PPP6R3: variants seen among roughly 807,000 people sequenced by gnomAD.
PPP6R3 encodes protein phosphatase 6 regulatory subunit 3, also known as serine/threonine-protein phosphatase 6 regulatory subunit 3.
A neutral mutation model predicts 110.7 loss-of-function variants in PPP6R3; 38 were observed. The observed-to-expected ratio is 0.34, with a 90% CI of 0.26 to 0.45. The LOEUF is 0.45. PPP6R3 is among the 20% of genes least tolerant of loss of function. PPP6R3 has a pLI of 1.00. For synonymous variants in PPP6R3, 369 were observed against 373.5 expected (o/e 0.99, Z 0.14); for missense variants, 870 against 1,062.4 (o/e 0.82, Z 2.52).
intron 19 of PPP6R3, among the ~76,000 whole-genome samples, chr11:68,598,248 G>A (rs749178577): frequency 2.0e-5 from 3 of 152,136 alleles, no homozygotes; most frequent in Non-Finnish European, 2.9e-5. Context: ...CTGCTGTGGT[G>A]TATACAGGAT....
rs76687032 is a variant in PPP6R3 at position 68,578,343 on chromosome 11, A to G, written c.1545+2300A>G. Among the ~76,000 whole-genome samples the G allele has an allele frequency of 4.8e-3, 731 of 152,320 alleles. 13 individuals are homozygous for G. The East Asian group carries it at 0.06, about 12-fold the overall frequency. On this transcript the variant is annotated intron_variant, in intron 14 of 23. Coordinates refer to ENST00000393800, the MANE Select transcript of PPP6R3 (RefSeq NM_001164161.2). ...AAAGTGACATAGAAAAAGAGTGCCC[A>G]TGTTTGAAATGTGGTAGTTACACTT...
intron 2 of PPP6R3, among the ~76,000 whole-genome samples, chr11:68,525,121 T>A (rs1046762935): frequency 1.2e-4 from 18 of 152,228 alleles, no homozygotes; most frequent in African/African-American, 4.1e-4. Context: ...TCTGCTAGCA[T>A]GTTTACTAGC....
Position 68,609,896 on chromosome 11 carries a change from TA to T in PPP6R3, c.2451-7del, listed in dbSNP as rs1332398085. 6 of 1,613,912 alleles carry T rather than the reference TA, an allele frequency of 3.7e-6. No individual in the cohort carries two copies. Among genetic ancestry groups the T allele is most frequent in the Non-Finnish European group, 5.1e-6 (6 of 1,179,924 alleles). On this transcript the variant is annotated splice_region_variant and splice_polypyrimidine_tract_variant and intron_variant, in intron 22 of 23. Transcript: ENST00000393800. ...TGTTTGATGTGCCTGTCATCCTCTT[TA>T]CTGCAGTGAGGAAGGGAAACTGTCT... is the stretch of plus-strand genomic sequence containing the variant.
chr11:68,610,722 G>A (rs755092289), intron 23 of PPP6R3, among the ~76,000 whole-genome samples: 42 of 152,168 alleles, frequency 2.8e-4, no homozygotes, highest in Admixed American at 9.2e-4. Context: ...CTGGGCCACA[G>A]GAAGCTTTGT....
intron 1 of PPP6R3, among the ~76,000 whole-genome samples, chr11:68,516,549 CAG>C (rs2099137963): frequency 6.6e-6 from 1 of 152,156 alleles, no homozygotes; most frequent in Non-Finnish European, 1.5e-5. Flanking sequence ...GCATTTTGGA[CAG>C]GGGATACTCC....
At chr11:68,519,943 T>G (rs539728291) in intron 2 of PPP6R3, among the ~76,000 whole-genome samples, 1 of 152,304 alleles carries the variant, frequency 6.6e-6, no homozygotes, top group East Asian at 1.9e-4. Flanking sequence ...AGTAGTAGCA[T>G]GCAGAGAAAG....
intron 1 of PPP6R3, among the ~76,000 whole-genome samples, chr11:68,514,389 CT>C (rs1221525106): frequency 1.2e-4 from 18 of 147,042 alleles, no homozygotes; most frequent in Non-Finnish European, 1.2e-4. Context: ...ATGCATTTTG[CT>C]TTTTTTTTTA....
intron 21 of PPP6R3, among the ~76,000 whole-genome samples, chr11:68,602,463 G>A (rs771660072): frequency 2.6e-5 from 4 of 152,164 alleles, no homozygotes; most frequent in South Asian, 4.1e-4. Context: ...TTCCTTGCAC[G>A]GCCCTGAACT....
chr11:68,614,236 GGTTT>G lies in PPP6R3; in HGVS notation c.*1122_*1125del. ...TAAACCAGTGTATTTTTTTAGAACTGGTTTGTGTATATATATAGTGATTATGGAT... is the reference window on the plus strand; with the variant it reads ...TAAACCAGTGTATTTTTTTAGAACTGGTGTATATATATAGTGATTATGGAT... On this transcript the variant is annotated 3_prime_UTR_variant, in exon 24 of 24. Coordinates refer to ENST00000393800, the MANE Select transcript of PPP6R3 (RefSeq NM_001164161.2). 4.0e-6 allele frequency: 4 copies of G among 990,138 alleles called. No homozygotes were observed. Among genetic ancestry groups the G allele is most frequent in the Non-Finnish European group, 4.8e-6 (4 of 832,702 alleles). 61.3% of individuals were successfully genotyped at this position (990,138 alleles called of 1,614,324 possible).
chr11:68,590,442 C>G (rs1186693130), intron 16 of PPP6R3, among the ~76,000 whole-genome samples: 2 of 152,194 alleles, frequency 1.3e-5, no homozygotes, highest in Non-Finnish European at 2.9e-5. Flanking sequence ...CTTTATGTCT[C>G]AGAAGGCTTC....
In PPP6R3 at chr11:68,562,053, GA is replaced by G. The variant is rs35619596; in HGVS notation, c.846-2239del. ...GTAGAATATCCTAAAGAACATTAAA[GA>G]AAAAAAAAAACGCATACTCCTAGAA... On this transcript the variant is annotated intron_variant, in intron 8 of 23. Coordinates refer to ENST00000393800, the MANE Select transcript of PPP6R3 (RefSeq NM_001164161.2). Among the ~76,000 whole-genome samples, 544 of 147,464 alleles carry G rather than the reference GA, an allele frequency of 3.7e-3. 2 individuals carry two copies. Among genetic ancestry groups the G allele is most frequent in the African/African-American group, 0.013 (526 of 39,832 alleles).
At chr11:68,579,688 CATA>C (rs754930457) in intron 14 of PPP6R3, among the ~76,000 whole-genome samples, 1 of 152,216 alleles carries the variant, frequency 6.6e-6, no homozygotes, top group African/African-American at 2.4e-5. Flanking sequence ...TCATGCACTG[CATA>C]ATGTTTCGGT....
At chr11:68,592,321 C>A (rs529934758) in intron 18 of PPP6R3, among the ~76,000 whole-genome samples, 1 of 152,176 alleles carries the variant, frequency 6.6e-6, no homozygotes, top group Non-Finnish European at 1.5e-5. Flanking sequence ...GCTGAACTTT[C>A]ATTTTTATTT....
intron 9 of PPP6R3, among the ~76,000 whole-genome samples, chr11:68,565,116 T>C (rs1321419410): frequency 2.0e-5 from 3 of 152,168 alleles, no homozygotes; most frequent in Admixed American, 1.3e-4. Flanking sequence ...CCTATATCAT[T>C]GAATCTGGTG....
intron 19 of PPP6R3, among the ~76,000 whole-genome samples, chr11:68,596,968 G>A (rs1205050600): frequency 1.3e-5 from 2 of 152,316 alleles, no homozygotes; most frequent in East Asian, 3.9e-4. Context: ...ACTGCCACAT[G>A]TTGCAGATAA....
intron 18 of PPP6R3, 149 bp from the exon 19 acceptor site, chr11:68,595,948 C>A: frequency 1.1e-6 from 1 of 936,378 alleles, no homozygotes; most frequent in Non-Finnish European, 1.6e-6. Context: ...CTGAGTCTTC[C>A]CGGGCATCCT....
chr11:68,587,713 G>A, intron 15 of PPP6R3: 2 of 626,994 alleles, frequency 3.2e-6, no homozygotes, highest in Non-Finnish European at 5.7e-6. Context: ...ACAGTGACAT[G>A]TGCATTAGAA....
At chr11:68,475,523 G>A (rs1047583632) in intron 1 of PPP6R3, among the ~76,000 whole-genome samples, 1 of 151,376 alleles carries the variant, frequency 6.6e-6, no homozygotes, top group African/African-American at 2.4e-5. Flanking sequence ...CCCGGACGGG[G>A]CAGCGGCCGG....
intron 1 of PPP6R3, among the ~76,000 whole-genome samples, chr11:68,503,133 C>G (rs2099056721): frequency 1.3e-5 from 2 of 152,010 alleles, no homozygotes; most frequent in African/African-American, 4.8e-5. Context: ...TTAGTAGAGA[C>G]AGGTTTCACC....
Sources: allele counts gnomAD v4.1 joint callset (sites outside exome capture counted in the v4.1 genomes callset), GRCh38; gene constraint gnomAD v4.1.1; transcripts MANE v1.5; gene names NCBI Gene and HGNC (gene_info 2026-07-23, HGNC 2026-07-21).